Variants in LRRC40 observed in about 807,000 individuals in gnomAD.
The protein encoded by LRRC40 is leucine-rich repeat-containing protein 40.
In LRRC40, 76 loss-of-function variants were observed where a neutral mutation model predicts 72.8. The ratio of observed to expected loss-of-function variants is 1.04; its 90% CI spans 0.87 to 1.26. LRRC40 has a LOEUF of 1.26. Among genes scored for constraint, LRRC40 ranks in the 50% most tolerant of loss-of-function variants. The probability of loss-of-function intolerance (pLI) is 0.00; values close to 1 mark genes in which losing one functional copy is unlikely to be tolerated. For missense variants in LRRC40, 684 were observed against 698.9 expected (o/e 0.98, Z 0.24); for synonymous variants, 243 against 254.2 (o/e 0.96, Z 0.42).
intron 9 of LRRC40, among the ~76,000 whole-genome samples, chr1:70,170,687 G>GAA (rs1222597322): frequency 6.6e-6 from 1 of 152,100 alleles, no homozygotes; most frequent in African/African-American, 2.4e-5. Flanking sequence ...CTTACAGTCT[G>GAA]AAAACTATAA....
intron 1 of LRRC40, among the ~76,000 whole-genome samples, chr1:70,194,874 T>G (rs186037591): frequency 3.3e-5 from 5 of 152,044 alleles, no homozygotes; most frequent in South Asian, 2.1e-4. Flanking sequence ...GATAAACACA[T>G]AGGTCAATGG....
chr1:70,150,345 T>A (rs759784282), intron 13 of LRRC40, among the ~76,000 whole-genome samples: 38 of 152,290 alleles, frequency 2.5e-4, no homozygotes, highest in Admixed American at 2.3e-3. Context: ...GCTGTATAAT[T>A]TACTATTTAT....
At chr1:70,146,588 G>A (rs959906680) in intron 14 of LRRC40, among the ~76,000 whole-genome samples, 1 of 152,128 alleles carries the variant, frequency 6.6e-6, no homozygotes, top group African/African-American at 2.4e-5. Context: ...ATGGAGCTGT[G>A]ATTTGAACCA....
At chr1:70,151,854 C>T (rs553934549) in intron 12 of LRRC40, 58 of 151,876 alleles carry the variant, frequency 3.8e-4, no homozygotes, top group African/African-American at 1.4e-3. Context: ...ATTTTAGGAG[C>T]CAATATAACT....
At position 70,159,318 on chromosome 1, in the gene LRRC40, T is replaced by C; in HGVS notation, c.1220+12A>G. 8.5e-7 allele frequency: 1 copy of C among 1,176,914 alleles called. No individual in the cohort carries two copies. Among genetic ancestry groups the C allele is most frequent in the Non-Finnish European group, 1.2e-6 (1 of 823,822 alleles). The allele number at this position is 1,176,914 out of a possible 1,614,324, so 72.9% of individuals were successfully genotyped here. On this transcript the variant is annotated intron_variant, in intron 10 of 14. Coordinates refer to ENST00000370952, the MANE Select transcript of LRRC40 (RefSeq NM_017768.5). ...ATCTCTATAAAAATAAAAATAATAATAAATTACATACCTATAGTCTAATAT... is the reference window on the plus strand; with the variant it reads ...ATCTCTATAAAAATAAAAATAATAACAAATTACATACCTATAGTCTAATAT...
chr1:70,196,730 G>A (rs1351564223), intron 1 of LRRC40, among the ~76,000 whole-genome samples: 2 of 152,148 alleles, frequency 1.3e-5, no homozygotes, highest in East Asian at 3.8e-4. Context: ...TAGTTATGTG[G>A]AGCCAATAGC....
At position 70,169,780 on chromosome 1, in the gene LRRC40, A is replaced by AT. The variant is rs577173426; in HGVS notation, c.1111+3684dup. 9.5e-4 allele frequency among the ~76,000 whole-genome samples: 144 copies of AT among 152,324 alleles called. 1 individual carries two copies. Among genetic ancestry groups the AT allele is most frequent in the African/African-American group, 3.3e-3 (138 of 41,578 alleles). On this transcript the variant is annotated intron_variant, in intron 9 of 14. Transcript: ENST00000370952. ...GTATATCTATAACACGTGAAGAGTA[A>AT]TAAAAAAAACCTAGCCACAAAGAGA... is the stretch of plus-strand genomic sequence containing the variant.
intron 7 of LRRC40, among the ~76,000 whole-genome samples, chr1:70,175,514 T>G (rs1371857491): frequency 1.3e-5 from 2 of 152,158 alleles, no homozygotes; most frequent in East Asian, 3.9e-4. Flanking sequence ...GTTCTTAGAA[T>G]TTAGTTCTAG....
chr1:70,161,479 G>C (rs185320009), intron 9 of LRRC40, among the ~76,000 whole-genome samples: 1 of 151,016 alleles, frequency 6.6e-6, no homozygotes, highest in African/African-American at 2.4e-5. Context: ...GTGAAGCCGG[G>C]AGGCGGAGCT....
At chr1:70,176,449 T>C (rs1023697709) in intron 6 of LRRC40, among the ~76,000 whole-genome samples, 17 of 150,462 alleles carry the variant, frequency 1.1e-4, no homozygotes, top group African/African-American at 3.9e-4. Context: ...GGAGAATCGC[T>C]TGAACCCAGG....
intron 10 of LRRC40, among the ~76,000 whole-genome samples, chr1:70,156,860 T>C (rs1358290938): frequency 6.6e-6 from 1 of 152,170 alleles, no homozygotes; most frequent in Non-Finnish European, 1.5e-5. Context: ...ATTGTTTACA[T>C]CTGGAATTTT....
intron 3 of LRRC40, among the ~76,000 whole-genome samples, 160 bp downstream of exon 3, chr1:70,187,105 A>G (rs1283309718): frequency 6.6e-6 from 1 of 152,162 alleles, no homozygotes; most frequent in East Asian, 1.9e-4. Context: ...AAAAACATAC[A>G]AACTAAGAAT....
At chr1:70,193,560 T>C (rs1668547187) in intron 1 of LRRC40, among the ~76,000 whole-genome samples, 1 of 152,086 alleles carries the variant, frequency 6.6e-6, no homozygotes, top group Admixed American at 6.5e-5. Context: ...TAATTCTACA[T>C]AAACTCTTTC....
chr1:70,197,578 C>A (rs1366759546), intron 1 of LRRC40, among the ~76,000 whole-genome samples: 2 of 150,432 alleles, frequency 1.3e-5, no homozygotes, highest in Non-Finnish European at 3.0e-5. Flanking sequence ...CACACCTGGC[C>A]CCCCCAACCC....
At chr1:70,153,072 G>C (rs1248936445) in intron 11 of LRRC40, among the ~76,000 whole-genome samples, 1 of 152,068 alleles carries the variant, frequency 6.6e-6, no homozygotes, top group Non-Finnish European at 1.5e-5. Context: ...ACTAACAAAT[G>C]AAAGTTGGCT....
chr1:70,201,783 A>C (rs1668745050), intron 1 of LRRC40, among the ~76,000 whole-genome samples: 1 of 151,608 alleles, frequency 6.6e-6, no homozygotes, highest in Admixed American at 6.6e-5. Context: ...GACCAGCCTG[A>C]CCAACATGGA....
intron 11 of LRRC40, among the ~76,000 whole-genome samples, 196 bp downstream of exon 11, chr1:70,155,493 C>G (rs930059571): frequency 7.2e-5 from 11 of 151,864 alleles, no homozygotes; most frequent in African/African-American, 2.4e-4. Context: ...ACCTCTATAC[C>G]TCTCAGAACA....
chr1:70,193,173 G>A (rs1051371548), intron 1 of LRRC40, among the ~76,000 whole-genome samples: 6 of 151,412 alleles, frequency 4.0e-5, no homozygotes, highest in East Asian at 1.9e-4. Context: ...ATCAATGAGA[G>A]AGAAACAAAC....
chr1:70,160,414 T>C (rs1378783222), intron 9 of LRRC40, among the ~76,000 whole-genome samples: 1 of 152,178 alleles, frequency 6.6e-6, no homozygotes, highest in Non-Finnish European at 1.5e-5. Context: ...ATGAATACTT[T>C]ATTCACAGAA....
Sources: gnomAD v4.1 joint callset for allele counts (sites outside exome capture counted in the v4.1 genomes callset) on GRCh38, gnomAD v4.1.1 for gene constraint, MANE v1.5 for transcripts, NCBI Gene and HGNC (gene_info 2026-07-23, HGNC 2026-07-21) for gene names.